The following PHKA2 variants were observed in gnomAD, a reference collection of about 807,000 sequenced individuals.
The protein encoded by PHKA2 is phosphorylase kinase regulatory subunit alpha 2.
PHKA2 carries 31 observed loss-of-function variants against 102.0 expected under a neutral mutation model. That is an observed-to-expected ratio of 0.30 (90% CI 0.23 to 0.41). The LOEUF (loss-of-function observed/expected upper bound fraction) is 0.41. PHKA2 is among the 10% of genes least tolerant of loss of function. PHKA2 has a pLI of 1.00. For missense variants in PHKA2, 858 were observed against 1,023.1 expected, an observed-to-expected ratio of 0.84 and a Z score of 2.20; for synonymous variants, 455 against 416.2, an observed-to-expected ratio of 1.09 and a Z score of -1.13.
At chrX:18,972,697 T>G (rs1405288159) in intron 1 of PHKA2, among the ~76,000 whole-genome samples, 1 of 112,419 alleles carries the variant, frequency 8.9e-6, no homozygotes, top group Non-Finnish European at 1.9e-5. Flanking sequence ...AAGGGATACC[T>G]TGATTACTGC....
At chrX:18,905,330 C>T (rs369463831) in intron 26 of PHKA2, among the ~76,000 whole-genome samples, 14 of 111,923 alleles carry the variant, frequency 1.3e-4, no homozygotes, top group African/African-American at 4.5e-4. Flanking sequence ...CGCGCCACCA[C>T]GCCTGACTAA....
intron 13 of PHKA2, among the ~76,000 whole-genome samples, chrX:18,928,621 C>A (rs927742060): frequency 3.6e-5 from 4 of 112,301 alleles, no homozygotes; most frequent in Admixed American, 1.9e-4. Flanking sequence ...CTGCTCCACC[C>A]GGGTGCACAC....
chrX:18,934,210 C>T (rs2048358225), intron 11 of PHKA2, among the ~76,000 whole-genome samples: 1 of 112,058 alleles, frequency 8.9e-6, no homozygotes, highest in East Asian at 2.8e-4. Context: ...TACCGCAGCA[C>T]GCGTACTAAA....
chrX:18,925,352 T>C (rs957341348), intron 15 of PHKA2, among the ~76,000 whole-genome samples: 1 of 112,541 alleles, frequency 8.9e-6, no homozygotes, highest in African/African-American at 3.2e-5. Flanking sequence ...GAGGGTCTGA[T>C]GACAGCTTGC....
intron 1 of PHKA2, among the ~76,000 whole-genome samples, chrX:18,969,038 C>T (rs1485349014): frequency 3.6e-5 from 4 of 110,228 alleles, no homozygotes; most frequent in African/African-American, 6.6e-5. Flanking sequence ...TGCTTGAACC[C>T]GGGGGCAGAG....
intron 26 of PHKA2, 53 bp from the exon 27 acceptor site, chrX:18,901,656 C>G (rs1266009564): frequency 1.2e-6 from 1 of 847,466 alleles, no homozygotes; most frequent in Non-Finnish European, 1.8e-6. Flanking sequence ...GCATCCAACC[C>G]GAGGCAGGAT....
chrX:18,896,813 C>G (rs1450706399), intron 30 of PHKA2, among the ~76,000 whole-genome samples: 1 of 112,058 alleles, frequency 8.9e-6, no homozygotes, highest in Non-Finnish European at 1.9e-5. Flanking sequence ...TCCCACACAA[C>G]CACAACCTAG....
At chrX:18,898,668 A>C (rs1345852843) in intron 29 of PHKA2, among the ~76,000 whole-genome samples, 1 of 112,344 alleles carries the variant, frequency 8.9e-6, no homozygotes, top group East Asian at 2.8e-4. Flanking sequence ...GGCAACAATT[A>C]GACACAAATA....
intron 21 of PHKA2, 133 bp from the exon 22 acceptor site, chrX:18,908,189 G>A (rs1438297026): frequency 6.3e-6 from 4 of 639,334 alleles, no homozygotes; most frequent in South Asian, 2.2e-5. Context: ...GGTTACGCCC[G>A]ACCAAAGCTT....
chrX:18,897,042 A>G, intron 30 of PHKA2, 121 bp downstream of exon 30: 1 of 827,008 alleles, frequency 1.2e-6, no homozygotes, highest in Non-Finnish European at 1.8e-6. Context: ...AGGTGCCAAC[A>G]GCGCTGAGGC....
At chrX:18,940,188 T>A (rs2048469409) in intron 8 of PHKA2, 140 bp from the exon 9 acceptor site, 7 of 494,253 alleles carry the variant, frequency 1.4e-5, no homozygotes, top group Middle Eastern at 3.4e-4. Flanking sequence ...GTATAGTTAT[T>A]AATATATTTA....
intron 1 of PHKA2, among the ~76,000 whole-genome samples, chrX:18,980,279 G>A (rs765275610): frequency 8.9e-6 from 1 of 112,857 alleles, no homozygotes; most frequent in East Asian, 2.8e-4. Context: ...AGACCTGACA[G>A]TCCTCCAGCC....
At position 18,897,299 on chromosome X, in the gene PHKA2, G is replaced by A. The variant is rs137852287; in HGVS notation, c.3146C>T (p.Ser1049Leu). Residue 1049 changes from serine (S) to leucine (L), a missense_variant, in exon 30 of 33, where the codon TCA becomes TTA. By Grantham distance (145) the Ser-to-Leu change is moderately radical. Coordinates refer to ENST00000379942, the MANE Select transcript of PHKA2 (RefSeq NM_000292.3). Reference protein sequence around the residue: ...SSTPSSPTGTSSSDSGGHHIG... With the variant: ...SSTPSSPTGTLSSDSGGHHIG... ...GTGATGTCCTCCCGAGTCTGAGGAT[G>A]ACGTGCCAGTGGGCGAGGATGGGGT... 6 of 1,209,043 alleles carry A rather than the reference G, an allele frequency of 5.0e-6. No homozygotes were observed. In the African/African-American group the frequency reaches 8.7e-5, roughly 18 times the overall value.
chrX:18,935,852 G>A (rs1366545195), intron 11 of PHKA2, among the ~76,000 whole-genome samples: 1 of 107,825 alleles, frequency 9.3e-6, no homozygotes, highest in Admixed American at 1.0e-4. Flanking sequence ...CTGACCACAA[G>A]TAATCCACCC....
chrX:18,948,266 G>C (rs1054942249), intron 5 of PHKA2, among the ~76,000 whole-genome samples: 17 of 112,024 alleles, frequency 1.5e-4, no homozygotes, highest in African/African-American at 5.5e-4. Context: ...CTGAGGTCAG[G>C]AGTTTGAGAC....
chrX:18,896,094 G>A (rs2047546765), intron 30 of PHKA2: 1 of 112,577 alleles, frequency 8.9e-6, no homozygotes, highest in African/African-American at 3.2e-5. Context: ...ATGGCTTTGG[G>A]AAGGGGGCTG....
Position 18,924,471 on chromosome X carries a change from T to A in PHKA2, c.1624A>T (p.Met542Leu). Residue 542 changes from methionine to leucine, a missense_variant, in exon 16 of 33, where the codon ATG (methionine) becomes TTG (leucine). By Grantham distance (15) the Met-to-Leu change is conservative (BLOSUM62 2). Around this residue, in one of 2 missense-constraint regions of PHKA2, gnomAD observed 671 missense variants for 745.2 expected, o/e 0.90. Transcript: ENST00000379942. ...LALDNEMIVEMLRIELAYLCT... is the reference protein window; with the variant it reads ...LALDNEMIVELLRIELAYLCT... The stretch of plus-strand genomic sequence containing the variant: ...AGGTAGGCCAGCTCGATCCTTAGCA[T>A]CTCCACGATCATCTCATTGTCGAGG... The A allele has an allele frequency of 8.3e-7, 1 of 1,209,556 alleles. No homozygotes were observed.
chrX:18,903,244 G>A (rs763325743), intron 26 of PHKA2, among the ~76,000 whole-genome samples: 3 of 112,530 alleles, frequency 2.7e-5, no homozygotes, highest in Non-Finnish European at 5.6e-5. Flanking sequence ...TGACCGCATG[G>A]AGTTTGATCT....
intron 21 of PHKA2, among the ~76,000 whole-genome samples, chrX:18,908,339 G>A (rs2047860972): frequency 8.9e-6 from 1 of 112,613 alleles, no homozygotes; most frequent in Non-Finnish European, 1.9e-5. Context: ...CTGGGTAACT[G>A]GGGTGAATAT....
Sources: allele counts gnomAD v4.1 joint callset (sites outside exome capture counted in the v4.1 genomes callset), GRCh38; gene constraint gnomAD v4.1.1; regional missense constraint gnomAD v4.1.1; transcripts MANE v1.5; gene names NCBI Gene and HGNC (gene_info 2026-07-23, HGNC 2026-07-21).